VIPR2: variants seen among roughly 807,000 people sequenced by gnomAD.
VIPR2 encodes vasoactive intestinal peptide receptor 2.
In VIPR2, 48 loss-of-function variants were observed where a neutral mutation model predicts 58.0. The observed-to-expected ratio is 0.83, with a 90% confidence interval of 0.66 to 1.05. The LOEUF (loss-of-function observed/expected upper bound fraction) is 1.05. VIPR2 is among the 50% of genes least tolerant of loss of function. VIPR2 has a pLI of 0.00. For synonymous variants in VIPR2, 243 were observed against 235.2 expected, an observed-to-expected ratio of 1.03 and a Z score of -0.30; for missense variants, 534 against 558.0, an observed-to-expected ratio of 0.96 and a Z score of 0.43.
At chr7:159,138,118 G>A (rs1797305486) in intron 2 of VIPR2, among the ~76,000 whole-genome samples, 2 of 152,230 alleles carry the variant, frequency 1.3e-5, no homozygotes, top group Admixed American at 6.5e-5. Context: ...CCGCAGCAGA[G>A]GGCAGCATCG....
intron 2 of VIPR2, among the ~76,000 whole-genome samples, chr7:159,112,921 G>T (rs1796092824): frequency 6.6e-6 from 1 of 151,976 alleles, no homozygotes; most frequent in Admixed American, 6.5e-5. Context: ...GGCTCATGGC[G>T]CCTTCCTGGG....
At chr7:159,062,447 A>C (rs750902632) in intron 4 of VIPR2, among the ~76,000 whole-genome samples, 16 of 152,042 alleles carry the variant, frequency 1.1e-4, no homozygotes, top group Non-Finnish European at 2.2e-4. Flanking sequence ...CTTCTGCTGG[A>C]TTCGCGGTCT....
intron 2 of VIPR2, among the ~76,000 whole-genome samples, chr7:159,138,083 C>T (rs556568041): frequency 6.6e-6 from 1 of 152,210 alleles, no homozygotes; most frequent in South Asian, 2.1e-4. Flanking sequence ...CCACGAACAG[C>T]GAGCTCCCAC....
At chr7:159,032,535 G>A (rs932058123) in intron 10 of VIPR2, among the ~76,000 whole-genome samples, 2 of 152,208 alleles carry the variant, frequency 1.3e-5, no homozygotes, top group Non-Finnish European at 2.9e-5. Context: ...GGCTCCGTGG[G>A]AGCCAGGTCC....
intron 5 of VIPR2, among the ~76,000 whole-genome samples, chr7:159,056,722 G>A (rs527986037): frequency 1.3e-5 from 2 of 152,286 alleles, no homozygotes; most frequent in Admixed American, 6.5e-5. Context: ...TTCAATGCCC[G>A]CAAAGCATTC....
intron 6 of VIPR2, among the ~76,000 whole-genome samples, chr7:159,039,598 T>TGGGTGGGGCCTTGCAG (rs147666851): frequency 2.3e-4 from 35 of 152,090 alleles, no homozygotes; most frequent in African/African-American, 7.7e-4. Flanking sequence ...AGGGTGTTAG[T>TGGGTGGGGCCTTGCAG]GGGTGGCGCT....
intron 4 of VIPR2, among the ~76,000 whole-genome samples, chr7:159,063,752 G>A (rs1425124926): frequency 7.1e-6 from 1 of 140,866 alleles, no homozygotes; most frequent in Non-Finnish European, 1.5e-5. Context: ...CGGGATCTGG[G>A]GGACCTGGCG....
chr7:159,131,585 GC>G (rs1227254815), intron 2 of VIPR2, among the ~76,000 whole-genome samples: 1 of 152,176 alleles, frequency 6.6e-6, no homozygotes, highest in Non-Finnish European at 1.5e-5. Context: ...TGCTTTAAGG[GC>G]AAGTATAAAC....
At chr7:159,122,407 G>T in intron 2 of VIPR2, among the ~76,000 whole-genome samples, 1 of 152,204 alleles carries the variant, frequency 6.6e-6, no homozygotes. Flanking sequence ...CTCTCTTTGG[G>T]GTCTGGACGT....
At chr7:159,082,477 G>A (rs919949408) in intron 4 of VIPR2, among the ~76,000 whole-genome samples, 4 of 151,984 alleles carry the variant, frequency 2.6e-5, no homozygotes, top group Non-Finnish European at 5.9e-5. Context: ...GGGTGGTGGG[G>A]TCGTGGGGGA....
At chr7:159,058,609 G>A (rs1855460920) in intron 4 of VIPR2, 31 bp from the exon 5 acceptor site, 1 of 1,498,274 alleles carries the variant, frequency 6.7e-7, no homozygotes, top group African/African-American at 1.4e-5. Context: ...TCTGTAAGCT[G>A]AGGGTGACCA....
At position 159,031,533 on chromosome 7, in the gene VIPR2, A is replaced by C. The variant is rs1408436383; in HGVS notation, c.1143+295T>G. 2 of 985,200 alleles carry C rather than the reference A, an allele frequency of 2.0e-6. No individual in the cohort carries two copies. The highest frequency in any genetic ancestry group is 3.5e-5 in the African/African-American group (2 of 57,208). 61.0% of individuals were successfully genotyped at this position (985,200 alleles called of 1,614,324 possible). A position where few individuals can be genotyped will look rare whatever the true frequency, so the allele number is the denominator to read the frequency against. On this transcript the variant is annotated intron_variant, in intron 12 of 12. Transcript: ENST00000262178. The surrounding 1 kb of genome is among the most constrained non-coding windows in gnomAD (Gnocchi z 4.0). ...AGCGAGACGCCGACCATGGGGAAAA[A>C]CAGATTCTGTCTAGACCCGGCCGGG...
At chr7:159,034,079 G>T in intron 10 of VIPR2, 134 bp downstream of exon 10, 1 of 800,346 alleles carries the variant, frequency 1.2e-6, no homozygotes, top group South Asian at 1.7e-5. Context: ...GCAGAGCCCT[G>T]GGGCCCAGCC....
chr7:159,035,465 A>G (rs1853873789), intron 8 of VIPR2, among the ~76,000 whole-genome samples: 2 of 152,184 alleles, frequency 1.3e-5, no homozygotes, highest in African/African-American at 4.8e-5. Flanking sequence ...AAGGCAAGAT[A>G]TTTGTGCTGG....
At chr7:159,083,049 A>G (rs1426833893) in intron 4 of VIPR2, among the ~76,000 whole-genome samples, 1 of 152,164 alleles carries the variant, frequency 6.6e-6, no homozygotes, top group Non-Finnish European at 1.5e-5. Flanking sequence ...TCAGTGTTCT[A>G]ATACTGGATC....
Position 159,112,999 on chromosome 7 carries a change from C to A in VIPR2, c.152-3080G>T, listed in dbSNP as rs147411966. On this transcript the variant is annotated intron_variant, in intron 2 of 12. Coordinates refer to ENST00000262178, the MANE Select transcript of VIPR2 (RefSeq NM_003382.5). Reference sequence around the variant, plus strand: ...CTCACAATGCCTGCCTGGGGCCAGACCCCAGCTCAAGGATCCCGACTTGGC... The same window carrying A: ...CTCACAATGCCTGCCTGGGGCCAGAACCCAGCTCAAGGATCCCGACTTGGC... 2.5e-4 allele frequency among the ~76,000 whole-genome samples: 38 copies of A among 152,268 alleles called. No individual in the cohort carries two copies. In the East Asian group the frequency reaches 7.4e-3, roughly 29 times the overall value.
chr7:159,142,160 A>G (rs2129498457), intron 2 of VIPR2, among the ~76,000 whole-genome samples: 1 of 152,330 alleles, frequency 6.6e-6, no homozygotes, highest in Admixed American at 6.5e-5. Context: ...GCAAAGCATA[A>G]CAAAGCCCAT....
At chr7:159,119,816 C>T (rs779603318) in intron 2 of VIPR2, among the ~76,000 whole-genome samples, 1 of 151,356 alleles carries the variant, frequency 6.6e-6, no homozygotes, top group Non-Finnish European at 1.5e-5. Flanking sequence ...CAGGGATGCA[C>T]AAAGCCTGGT....
chr7:159,088,211 G>C (rs912267965), intron 4 of VIPR2, among the ~76,000 whole-genome samples: 1 of 152,224 alleles, frequency 6.6e-6, no homozygotes, highest in Non-Finnish European at 1.5e-5. Context: ...ACCTACAGAG[G>C]AGCCAGCATC....
Sources: allele counts gnomAD v4.1 joint callset (sites outside exome capture counted in the v4.1 genomes callset), GRCh38; gene constraint gnomAD v4.1.1; non-coding constraint Gnocchi (gnomAD v3.1); transcripts MANE v1.5; gene names NCBI Gene and HGNC (gene_info 2026-07-23, HGNC 2026-07-21).